GPRC5B: variants seen among roughly 807,000 people sequenced by gnomAD.
The protein encoded by GPRC5B is G protein-coupled receptor class C group 5 member B.
GPRC5B carries 16 observed loss-of-function variants against 30.1 expected under a neutral mutation model. That is an observed-to-expected ratio of 0.53 (90% confidence interval 0.36 to 0.81). The LOEUF (loss-of-function observed/expected upper bound fraction) is 0.81, where lower values mean the gene tolerates loss of function less well. Among genes scored for constraint, GPRC5B ranks in the 30% least tolerant of loss-of-function variants. The probability of loss-of-function intolerance (pLI) is 0.01; values close to 1 mark genes in which losing one functional copy is unlikely to be tolerated. For missense variants in GPRC5B, 428 were observed against 544.7 expected, an observed-to-expected ratio of 0.79 and a Z score of 2.13; for synonymous variants, 241 against 239.5, an observed-to-expected ratio of 1.01 and a Z score of -0.06.
intron 1 of GPRC5B, among the ~76,000 whole-genome samples, chr16:19,883,933 T>C (rs2056828843): frequency 6.6e-6 from 1 of 152,140 alleles, no homozygotes; most frequent in South Asian, 2.1e-4. Flanking sequence ...GCCTAAGCGC[T>C]AGGGACCCCG....
rs761399902 is a variant in GPRC5B at position 19,857,475 on chromosome 16, G to A, written c.*3025C>T. On this transcript the variant is annotated 3_prime_UTR_variant, in exon 4 of 4. Transcript: ENST00000300571. Reference sequence around the variant, plus strand: ...ATAAGTATGCAACAGTCAGCCGGGGGAAGATAAAGGTACATTATAAAACAC... The same window carrying A: ...ATAAGTATGCAACAGTCAGCCGGGGAAAGATAAAGGTACATTATAAAACAC... 2 of 436,836 alleles carry A rather than the reference G, an allele frequency of 4.6e-6. No individual in the cohort carries two copies. Among genetic ancestry groups the A allele is most frequent in the South Asian group, 1.7e-5 (1 of 59,432 alleles). The allele number at this position is 436,836 out of a possible 1,614,324, so 27.1% of individuals were successfully genotyped here.
intron 1 of GPRC5B, among the ~76,000 whole-genome samples, chr16:19,877,177 G>C (rs906935098): frequency 2.6e-5 from 4 of 152,198 alleles, no homozygotes; most frequent in Non-Finnish European, 5.9e-5. Flanking sequence ...CTAATACACT[G>C]AATGGCTGGA....
chr16:19,865,248 A>G (rs1663154947), intron 2 of GPRC5B, among the ~76,000 whole-genome samples: 1 of 152,032 alleles, frequency 6.6e-6, no homozygotes. Context: ...GGATGATTCA[A>G]AAGAAGTCTA....
chr16:19,885,146 G>A, upstream of GPRC5B: 1 of 1,191,752 alleles, frequency 8.4e-7, no homozygotes, highest in Non-Finnish European at 1.1e-6. This position sits in a 1 kb window ranked among gnomAD's most constrained non-coding sequence, Gnocchi z 5.3. Context: ...AGACGAGCCG[G>A]GCAACTCCCC....
At chr16:19,871,182 G>A (rs764727949) in intron 2 of GPRC5B, among the ~76,000 whole-genome samples, 1 of 149,904 alleles carries the variant, frequency 6.7e-6, no homozygotes, top group African/African-American at 2.5e-5. Flanking sequence ...TACTCAGGAG[G>A]CTGAGTTGGG....
chr16:19,858,548 G>A lies in GPRC5B; in HGVS notation c.*1952C>T. Reference sequence around the variant, plus strand: ...GAGCGGGGGTGAGTAACCATTTCCTGGCACGAGAATGTGTAATGCTGTCGT... The same window carrying A: ...GAGCGGGGGTGAGTAACCATTTCCTAGCACGAGAATGTGTAATGCTGTCGT... On this transcript the variant is annotated 3_prime_UTR_variant, in exon 4 of 4. Coordinates refer to ENST00000300571, the MANE Select transcript of GPRC5B (RefSeq NM_016235.3). 1 of 692,910 alleles carries A rather than the reference G, an allele frequency of 1.4e-6. No homozygotes were observed. 42.9% of individuals were successfully genotyped at this position (692,910 alleles called of 1,614,324 possible).
intron 1 of GPRC5B, among the ~76,000 whole-genome samples, chr16:19,878,964 G>T (rs1477255714): frequency 2.0e-5 from 3 of 152,144 alleles, no homozygotes; most frequent in East Asian, 1.9e-4. Context: ...GCGATGTGGG[G>T]GTGTACTGAG....
rs758387429 is a variant in GPRC5B, at chr16:19,872,059, G to T, written c.787C>A (p.Gln263Lys). The T allele has an allele frequency of 1.2e-4, 188 of 1,613,924 alleles. No individual in the cohort carries two copies. The highest frequency in any genetic ancestry group is 1.6e-4 in the Middle Eastern group (1 of 6,082). Reference sequence around the variant, plus strand: ...GTGGGGTCGTTCCAGGCATCCCCCTGCTGCAGCTTGACATTGCCGAAGAGG... The same window carrying T: ...GTGGGGTCGTTCCAGGCATCCCCCTTCTGCAGCTTGACATTGCCGAAGAGG... ...MYLFGNVKLQ[Q>K]GDAWNDPTLA... The change falls in exon 2 of 4, where the codon CAG becomes AAG. Residue 263 changes from glutamine (Q) to lysine (K), a missense_variant. Gln to Lys is a moderately conservative substitution (Grantham distance 53). Around this residue, in one of 3 missense-constraint regions of GPRC5B, gnomAD observed 213 missense variants for 229.1 expected, o/e 0.93. Coordinates refer to ENST00000300571, the MANE Select transcript of GPRC5B (RefSeq NM_016235.3). This position sits in a 1 kb window ranked among gnomAD's most constrained non-coding sequence, Gnocchi z 5.0.
At chr16:19,874,157 G>A (rs1423953709) in intron 1 of GPRC5B, among the ~76,000 whole-genome samples, 2 of 152,086 alleles carry the variant, frequency 1.3e-5, no homozygotes, top group Non-Finnish European at 2.9e-5. Context: ...AACATCTCTG[G>A]AGGATTCCCC....
chr16:19,858,722 T>C lies in GPRC5B; in HGVS notation c.*1778A>G, dbSNP rs2056595158. 2.2e-6 allele frequency: 1 copy of C among 446,810 alleles called. No homozygotes were observed. The highest frequency in any genetic ancestry group is 2.1e-5 in the African/African-American group (1 of 48,102). The allele number at this position is 446,810 out of a possible 1,614,324, so 27.7% of individuals were successfully genotyped here. On this transcript the variant is annotated 3_prime_UTR_variant, in exon 4 of 4. Transcript: ENST00000300571. ...ACTCTTACGTTTTCTGTCCACGCAA[T>C]GACTGGAACGGGATTCTCTAGAAGC...
At position 19,858,664 on chromosome 16, in the gene GPRC5B, T is replaced by A. The variant is rs995533484; in HGVS notation, c.*1836A>T. 1 of 493,562 alleles carries A rather than the reference T, an allele frequency of 2.0e-6. No homozygotes were observed. Among genetic ancestry groups the A allele is most frequent in the Non-Finnish European group, 3.6e-6 (1 of 277,228 alleles). The allele number at this position is 493,562 out of a possible 1,614,324, so 30.6% of individuals were successfully genotyped here. A position where few individuals can be genotyped will look rare whatever the true frequency, so the allele number is the denominator to read the frequency against. ...CAACCGCCCCCACCCCCACCCCAGG[T>A]CCTAGCTTCATTCCCTCCCACCCCT... On this transcript the variant is annotated 3_prime_UTR_variant, in exon 4 of 4. Transcript: ENST00000300571.
intron 2 of GPRC5B, among the ~76,000 whole-genome samples, chr16:19,867,801 C>T (rs1429219385): frequency 1.4e-5 from 2 of 142,838 alleles, no homozygotes; most frequent in Admixed American, 1.4e-4. Flanking sequence ...CCTGTAATCC[C>T]AGCACTTTGG....
At chr16:19,866,568 A>AGGGGTGTCGCCACGTTGCCC (rs1491359136) in intron 2 of GPRC5B, among the ~76,000 whole-genome samples, 5 of 151,580 alleles carry the variant, frequency 3.3e-5, no homozygotes, top group African/African-American at 1.2e-4. Context: ...TAGTAGAGAC[A>AGGGGTGTCGCCACGTTGCCC]GGGGTGTCGC....
rs1211452565 is a variant in GPRC5B at position 19,862,179 on chromosome 16, T to G, written c.1031-206A>C. On this transcript the variant is annotated intron_variant, in intron 2 of 3. Transcript: ENST00000300571. ...TAGGAGCCTGACCCATCTCAGTGGG[T>G]TTGGGAAAAGCTGCTGTAGAGACCA... 6 of 557,622 alleles carry G rather than the reference T, an allele frequency of 1.1e-5. No individual in the cohort carries two copies. In the Admixed American group the frequency reaches 1.9e-4, roughly 18 times the overall value. 34.5% of individuals were successfully genotyped at this position (557,622 alleles called of 1,614,324 possible). A position where few individuals can be genotyped will look rare whatever the true frequency, so the allele number is the denominator to read the frequency against.
rs1460754229 is a variant in GPRC5B, at chr16:19,858,897, G to A, written c.*1603C>T. 4.8e-6 allele frequency: 1 copy of A among 207,254 alleles called. No homozygotes were observed. The highest frequency in any genetic ancestry group is 9.6e-6 in the Non-Finnish European group (1 of 104,596). The allele number at this position is 207,254 out of a possible 1,614,324, so 12.8% of individuals were successfully genotyped here. A position where few individuals can be genotyped will look rare whatever the true frequency, so the allele number is the denominator to read the frequency against. On this transcript the variant is annotated 3_prime_UTR_variant, in exon 4 of 4. Coordinates refer to ENST00000300571, the MANE Select transcript of GPRC5B (RefSeq NM_016235.3). The stretch of plus-strand genomic sequence containing the variant: ...ACTCGAAGGCGGGTCACACAGGGAG[G>A]GCCAGATTGGCCTTACTTTCCCCAG...
At chr16:19,878,667 C>T (rs913305722) in intron 1 of GPRC5B, among the ~76,000 whole-genome samples, 1 of 152,148 alleles carries the variant, frequency 6.6e-6, no homozygotes, top group East Asian at 1.9e-4. Flanking sequence ...CTACCTCATG[C>T]CCGGGACCTT....
At chr16:19,862,422 C>A (rs1168369084) in intron 2 of GPRC5B, 4 of 159,458 alleles carry the variant, frequency 2.5e-5, no homozygotes, top group Non-Finnish European at 4.1e-5. Flanking sequence ...CAGGGGGACT[C>A]TAACCACATG....
chr16:19,882,473 G>A (rs1367011750), intron 1 of GPRC5B: 1 of 152,152 alleles, frequency 6.6e-6, no homozygotes, highest in Non-Finnish European at 1.5e-5. Flanking sequence ...GGCTCCGTTA[G>A]AGTGGATAAA....
chr16:19,865,882 T>TAATA (rs1030118779), intron 2 of GPRC5B, among the ~76,000 whole-genome samples: 8 of 152,206 alleles, frequency 5.3e-5, no homozygotes, highest in African/African-American at 1.9e-4. Flanking sequence ...AAAAAATACC[T>TAATA]AATACCAAAC....
Sources: gnomAD v4.1 joint callset for allele counts (sites outside exome capture counted in the v4.1 genomes callset) on GRCh38, gnomAD v4.1.1 for gene constraint, gnomAD v4.1.1 regional missense constraint, Gnocchi (gnomAD v3.1) non-coding constraint, MANE v1.5 for transcripts, NCBI Gene and HGNC (gene_info 2026-07-23, HGNC 2026-07-21) for gene names.